The following NHP2 variants were observed in gnomAD, a reference collection of about 807,000 sequenced individuals.
The protein encoded by NHP2 is H/ACA ribonucleoprotein complex subunit 2.
NHP2 carries 10 observed loss-of-function variants against 16.7 expected under a neutral mutation model. The observed-to-expected ratio is 0.60, with a 90% confidence interval of 0.37 to 1.01. NHP2 has a LOEUF of 1.01. NHP2 is among the 50% of genes least tolerant of loss of function. NHP2 has a pLI of 0.01. For synonymous variants in NHP2, 87 were observed against 78.9 expected (o/e 1.10, Z -0.54); for missense variants, 184 against 198.3 (o/e 0.93, Z 0.43).
chr5:178,151,429 A>T (rs1331612370), intron 2 of NHP2, among the ~76,000 whole-genome samples: 1 of 152,230 alleles, frequency 6.6e-6, no homozygotes, highest in Non-Finnish European at 1.5e-5. Flanking sequence ...CTCTGTCCCA[A>T]GAGTGACAGT....
intron 3 of NHP2, 41 bp from the exon 4 acceptor site, chr5:178,149,879 C>T (rs1275637896): frequency 1.5e-5 from 24 of 1,608,892 alleles, no homozygotes; most frequent in Non-Finnish European, 2.0e-5. Context: ...AAAAGCTGTA[C>T]AACCTGTATG....
At chr5:178,150,675 G>A (rs752161974) in intron 3 of NHP2, 10 of 699,334 alleles carry the variant, frequency 1.4e-5, no homozygotes, top group East Asian at 5.5e-5. Flanking sequence ...GAGCCACAGC[G>A]CCTGGGCTGG....
At chr5:178,153,618 A>G in intron 1 of NHP2, 40 bp downstream of exon 1, 1 of 1,613,158 alleles carries the variant, frequency 6.2e-7, no homozygotes, top group Non-Finnish European at 8.5e-7. Flanking sequence ...CACCCATCCC[A>G]CCCGCGCACC....
intron 3 of NHP2, chr5:178,150,614 C>T (rs1756250723): frequency 6.6e-6 from 4 of 607,248 alleles, no homozygotes; most frequent in Non-Finnish European, 1.2e-5. Context: ...AACTCCTGTC[C>T]TCAACTGATC....
chr5:178,153,180 CG>C, intron 2 of NHP2: 1 of 459,502 alleles, frequency 2.2e-6, no homozygotes, highest in South Asian at 2.1e-5. Context: ...AGGATTAGGG[CG>C]GGGGCCGGAG....
chr5:178,153,586 G>A (rs1277795210), intron 1 of NHP2, 26 bp from the exon 2 acceptor site: 1 of 1,613,156 alleles, frequency 6.2e-7, no homozygotes, highest in South Asian at 1.1e-5. Context: ...AGTCGGTCGG[G>A]GGCCTCGCTC....
At chr5:178,150,741 C>A in intron 3 of NHP2, 147 bp downstream of exon 3, 2 of 772,902 alleles carry the variant, frequency 2.6e-6, no homozygotes, top group Non-Finnish European at 4.8e-6. Context: ...ATCTGTAGTC[C>A]CAAAACTAAG....
Position 178,149,823 on chromosome 5 carries a change from C to T in NHP2, c.352G>A (p.Ala118Thr), listed in dbSNP as rs139588879. ...IPSKTDLGAA[A>T]GSKRPTCVIM... is the part of the protein sequence containing the mutation. The stretch of plus-strand genomic sequence containing the variant: ...ACACAGGTGGGGCGCTTGGAGCCTG[C>T]GGCTGCACCCAGGTCCTACAGAGGG... The change falls in exon 4 of 4, where the codon GCA (alanine) becomes ACA (threonine). Residue 118 changes from alanine to threonine, a missense_variant. Physicochemically the swap from Ala to Thr is moderately conservative, Grantham distance 58. Coordinates refer to ENST00000274606, the MANE Select transcript of NHP2 (RefSeq NM_017838.4). 7.3e-4 allele frequency: 1,178 copies of T among 1,613,520 alleles called. 5 individuals carry two copies. In the African/African-American group the frequency reaches 0.012, roughly 16 times the overall value.
chr5:178,150,926 C>T lies in NHP2; in HGVS notation c.298G>A (p.Asp100Asn). The change falls in exon 3 of 4, where the codon GAC (aspartate) becomes AAC (asparagine). Residue 100 changes from aspartate to asparagine, a missense_variant. By Grantham distance (23) the Asp-to-Asn change is conservative (BLOSUM62 1). Coordinates refer to ENST00000274606, the MANE Select transcript of NHP2 (RefSeq NM_017838.4). ...ATATAGACATAGGGCAAATTTCGGTCCTCACACATGACTGGGAGATGGCAG... is the reference window on the plus strand; with the variant it reads ...ATATAGACATAGGGCAAATTTCGGTTCTCACACATGACTGGGAGATGGCAG... The part of the protein sequence containing the change: ...VYCHLPVMCE[D>N]RNLPYVYIPS... 1 of 1,614,124 alleles carries T rather than the reference C, an allele frequency of 6.2e-7. No homozygotes were observed. Among genetic ancestry groups the T allele is most frequent in the Non-Finnish European group, 8.5e-7 (1 of 1,180,010 alleles).
At chr5:178,150,564 G>T (rs1756249510) in intron 3 of NHP2, 2 of 428,958 alleles carry the variant, frequency 4.7e-6, no homozygotes, top group South Asian at 3.9e-5. Flanking sequence ...AATTTTTTTT[G>T]TAGAGATGGA....
At chr5:178,150,650 T>C (rs1250760685) in intron 3 of NHP2, 10 of 671,012 alleles carry the variant, frequency 1.5e-5, no homozygotes, top group South Asian at 1.3e-4. Context: ...CCCAAAGCAC[T>C]AGGATTACAG....
intron 2 of NHP2, among the ~76,000 whole-genome samples, chr5:178,152,389 TC>T (rs1756299873): frequency 8.1e-6 from 1 of 123,646 alleles, no homozygotes; most frequent in Non-Finnish European, 1.6e-5. Context: ...CCCCAATTAA[TC>T]CCTGTGTCTT....
intron 3 of NHP2, chr5:178,150,240 C>G (rs930286119): frequency 4.6e-6 from 1 of 219,484 alleles, no homozygotes; most frequent in Non-Finnish European, 9.3e-6. Context: ...TCACATACAT[C>G]TATCTCTTTA....
In NHP2 at chr5:178,150,870, G is replaced by C. The variant is rs905308939; in HGVS notation, c.336+18C>G. ...CACCCCAGTGCTGAGCAAGGTCAGG[G>C]GGCCACGTGCTCCTTACCGTCTTAG... On this transcript the variant is annotated intron_variant, in intron 3 of 3. Coordinates refer to ENST00000274606, the MANE Select transcript of NHP2 (RefSeq NM_017838.4). The C allele has an allele frequency of 2.6e-6, 4 of 1,528,122 alleles. No individual in the cohort carries two copies. In the African/African-American group the frequency reaches 4.1e-5, roughly 16 times the overall value. 94.7% of individuals were successfully genotyped at this position (1,528,122 alleles called of 1,614,324 possible).
At position 178,149,685 on chromosome 5, in the gene NHP2, G is replaced by T; in HGVS notation, c.*28C>A. 6.2e-7 allele frequency: 1 copy of T among 1,611,722 alleles called. No individual in the cohort carries two copies. The highest frequency in any genetic ancestry group is 8.5e-7 in the Non-Finnish European group (1 of 1,179,696). On this transcript the variant is annotated 3_prime_UTR_variant, in exon 4 of 4. Coordinates refer to ENST00000274606, the MANE Select transcript of NHP2 (RefSeq NM_017838.4). Reference sequence around the variant, plus strand: ...GCTGCCAGCCCAATAGCTTCCAGCGGCAGGTGCCCAGGTGCTACCGGAGCC... The same window carrying T: ...GCTGCCAGCCCAATAGCTTCCAGCGTCAGGTGCCCAGGTGCTACCGGAGCC...
At chr5:178,150,189 C>T (rs916826930) in intron 3 of NHP2, 12 of 237,562 alleles carry the variant, frequency 5.1e-5, no homozygotes, top group African/African-American at 2.3e-4. Context: ...CCCACCTAAC[C>T]GGACTAACAT....
intron 3 of NHP2, chr5:178,150,124 GA>G: frequency 2.9e-6 from 1 of 348,044 alleles, no homozygotes; most frequent in Non-Finnish European, 5.4e-6. Context: ...CTGTGCCTCA[GA>G]TCTGGCCCCT....
intron 2 of NHP2, among the ~76,000 whole-genome samples, chr5:178,152,028 T>A (rs1450021415): frequency 6.6e-6 from 1 of 152,074 alleles, no homozygotes; most frequent in Non-Finnish European, 1.5e-5. Flanking sequence ...CTAGAAGTCG[T>A]CAATACCTCC....
intron 2 of NHP2, 98 bp downstream of exon 2, chr5:178,153,393 G>T: frequency 2.4e-6 from 3 of 1,229,210 alleles, no homozygotes; most frequent in Non-Finnish European, 3.6e-6. Flanking sequence ...TGTATATGGG[G>T]CTAGGTCAGA....
Sources: allele counts gnomAD v4.1 joint callset (sites outside exome capture counted in the v4.1 genomes callset), GRCh38; gene constraint gnomAD v4.1.1; transcripts MANE v1.5; gene names NCBI Gene and HGNC (gene_info 2026-07-23, HGNC 2026-07-21).